SCHIP1: variants seen among roughly 807,000 people sequenced by gnomAD.
SCHIP1 encodes schwannomin-interacting protein 1.
A neutral mutation model predicts 29.7 loss-of-function variants in SCHIP1; 8 were observed. The ratio of observed to expected loss-of-function variants is 0.27; its 90% CI spans 0.16 to 0.49. The LOEUF (loss-of-function observed/expected upper bound fraction) is 0.49. SCHIP1 is among the 20% of genes least tolerant of loss of function. The pLI is 0.99. For synonymous variants in SCHIP1, 76 were observed against 94.9 expected (o/e 0.80, Z 1.16); for missense variants, 193 against 294.6 (o/e 0.66, Z 2.52).
At chr3:159,876,909 C>T (rs1179865957) in intron 2 of SCHIP1, among the ~76,000 whole-genome samples, 1 of 152,202 alleles carries the variant, frequency 6.6e-6, no homozygotes, top group Non-Finnish European at 1.5e-5. Context: ...AGGTTTGATG[C>T]TGGAGCTTTG....
chr3:159,305,918 A>G, the SCHIP1 span, among the ~76,000 whole-genome samples: 1 of 152,036 alleles, frequency 6.6e-6, no homozygotes, highest in Admixed American at 6.6e-5. Flanking sequence ...TCCCTTCACA[A>G]TCATATTTCT....
chr3:159,886,308 C>A (rs1436737206), exon 3 of SCHIP1: 3 of 1,613,934 alleles, frequency 1.9e-6, no homozygotes, highest in East Asian at 2.2e-5. Context: ...AGCTTGGACA[C>A]CCCCTTGTCT....
At chr3:159,337,522 A>G in the SCHIP1 span, among the ~76,000 whole-genome samples, 1 of 152,222 alleles carries the variant, frequency 6.6e-6, no homozygotes, top group Non-Finnish European at 1.5e-5. Flanking sequence ...ATCAATGTGC[A>G]AAAATCCCAA....
the SCHIP1 span, among the ~76,000 whole-genome samples, chr3:159,783,993 C>T: frequency 3.3e-5 from 5 of 152,322 alleles, no homozygotes; most frequent in South Asian, 2.1e-4. Context: ...CTTTCTAAAA[C>T]CCTTCTGTGC....
the SCHIP1 span, among the ~76,000 whole-genome samples, chr3:159,654,151 T>G: frequency 2.0e-5 from 3 of 152,032 alleles, no homozygotes; most frequent in East Asian, 5.8e-4. Context: ...TCAGAGAAAC[T>G]CCCTAGTCCA....
the SCHIP1 span, among the ~76,000 whole-genome samples, chr3:159,535,462 A>G: frequency 6.6e-6 from 1 of 152,182 alleles, no homozygotes; most frequent in African/African-American, 2.4e-5. Context: ...GCTGGTCCTC[A>G]GGTCCTGCTT....
chr3:159,653,143 G>C, the SCHIP1 span, among the ~76,000 whole-genome samples: 4 of 152,134 alleles, frequency 2.6e-5, no homozygotes, highest in African/African-American at 4.8e-5. Flanking sequence ...GTTGGTGGGA[G>C]TATAAATTAG....
At chr3:159,340,856 G>A in the SCHIP1 span, among the ~76,000 whole-genome samples, 2 of 152,112 alleles carry the variant, frequency 1.3e-5, no homozygotes, top group Non-Finnish European at 2.9e-5. Context: ...CTTCCAAAAA[G>A]TAAAACATTC....
the SCHIP1 span, among the ~76,000 whole-genome samples, chr3:159,817,014 A>G: frequency 1.3e-5 from 2 of 152,168 alleles, no homozygotes; most frequent in Admixed American, 1.3e-4. Flanking sequence ...AATATGATAT[A>G]TAGTATAATT....
At chr3:159,404,181 T>A in the SCHIP1 span, among the ~76,000 whole-genome samples, 2 of 152,262 alleles carry the variant, frequency 1.3e-5, no homozygotes, top group South Asian at 2.1e-4. Flanking sequence ...ATGTGCTGGC[T>A]TCGTGTGCGA....
intron 1 of SCHIP1, among the ~76,000 whole-genome samples, chr3:159,850,844 G>T (rs1168612843): frequency 6.6e-6 from 1 of 152,124 alleles, no homozygotes; most frequent in East Asian, 1.9e-4. Flanking sequence ...CCACCCCCAT[G>T]GTCCAGTCAC....
the SCHIP1 span, among the ~76,000 whole-genome samples, chr3:159,733,026 G>A: frequency 3.3e-5 from 5 of 152,128 alleles, no homozygotes; most frequent in African/African-American, 9.7e-5. Flanking sequence ...AAATAAACAA[G>A]ACTATGATTG....
chr3:159,379,133 T>TG, the SCHIP1 span, among the ~76,000 whole-genome samples: 1 of 152,200 alleles, frequency 6.6e-6, no homozygotes, highest in African/African-American at 2.4e-5. Context: ...TTATAGCCTG[T>TG]GGTGGCTTTT....
chr3:159,390,244 TG>T, the SCHIP1 span, among the ~76,000 whole-genome samples: 157 of 152,214 alleles, frequency 1.0e-3, 2 homozygotes, highest in South Asian at 0.024. Context: ...AATACTAAAG[TG>T]GTTAACTTTT....
chr3:159,376,283 GA>G, the SCHIP1 span, among the ~76,000 whole-genome samples: 2 of 152,114 alleles, frequency 1.3e-5, no homozygotes, highest in African/African-American at 2.4e-5. Context: ...CAGTCTTCAC[GA>G]GAAAGAGACA....
chr3:159,420,796 C>A, the SCHIP1 span, among the ~76,000 whole-genome samples: 11 of 152,182 alleles, frequency 7.2e-5, no homozygotes, highest in Non-Finnish European at 1.5e-4. Context: ...TATTTGGTTA[C>A]TGAGAAGCTT....
chr3:159,392,599 G>C, the SCHIP1 span, among the ~76,000 whole-genome samples: 1 of 151,888 alleles, frequency 6.6e-6, no homozygotes, highest in Non-Finnish European at 1.5e-5. Context: ...TACTGAGAAT[G>C]ATGATTTCCA....
chr3:159,548,629 T>C, the SCHIP1 span, among the ~76,000 whole-genome samples: 1 of 152,028 alleles, frequency 6.6e-6, no homozygotes, highest in Non-Finnish European at 1.5e-5. Context: ...TTGGATTATT[T>C]CTATTGCTCT....
At chr3:159,604,859 GAC>G in the SCHIP1 span, among the ~76,000 whole-genome samples, 1 of 152,094 alleles carries the variant, frequency 6.6e-6, no homozygotes, top group African/African-American at 2.4e-5. Flanking sequence ...ACATAGTACA[GAC>G]ACAGCCCAAG....
Sources: gnomAD v4.1 joint callset for allele counts (sites outside exome capture counted in the v4.1 genomes callset) on GRCh38, gnomAD v4.1.1 for gene constraint, MANE v1.5 for transcripts, NCBI Gene and HGNC (gene_info 2026-07-23, HGNC 2026-07-21) for gene names.